The following NCAM2 variants were observed in gnomAD, a reference collection of about 807,000 sequenced individuals.
NCAM2 encodes neural cell adhesion molecule 2.
Under a neutral mutation model 98.1 loss-of-function variants are expected in NCAM2, and 30 were observed. The observed-to-expected ratio is 0.31, with a 90% CI of 0.23 to 0.41. The LOEUF (loss-of-function observed/expected upper bound fraction) is 0.41, where lower values mean the gene tolerates loss of function less well. NCAM2 is among the 10% of genes least tolerant of loss of function. The pLI is 1.00. For missense variants in NCAM2, 867 were observed against 1,005.8 expected (o/e 0.86, Z 1.87); for synonymous variants, 368 against 342.4 (o/e 1.07, Z -0.83).
chr21:21,124,824 A>G (rs1374457539), intron 1 of NCAM2, among the ~76,000 whole-genome samples: 65 of 152,144 alleles, frequency 4.3e-4, no homozygotes, highest in Admixed American at 4.3e-3. Context: ...TGAGACATGT[A>G]TGTTACCATT....
In NCAM2 at chr21:21,008,185, TAGATA is replaced by T. The variant is rs568056061; in HGVS notation, c.55+9569_55+9573del. ...CTTTTGATTAAAAAAATTACTTACT[TAGATA>T]AATCACTTATAACTTTCTGATACAA... is the stretch of plus-strand genomic sequence containing the variant. On this transcript the variant is annotated intron_variant, in intron 1 of 17. Coordinates refer to ENST00000400546, the MANE Select transcript of NCAM2 (RefSeq NM_004540.5). 5.7e-4 allele frequency among the ~76,000 whole-genome samples: 87 copies of T among 152,310 alleles called. 2 individuals carry two copies. The East Asian group carries it at 0.015, about 26-fold the overall frequency.
At chr21:21,299,851 C>T (rs2073643960) in intron 5 of NCAM2, among the ~76,000 whole-genome samples, 1 of 151,842 alleles carries the variant, frequency 6.6e-6, no homozygotes. Context: ...GGACCAACAT[C>T]CATGGGATAC....
chr21:21,421,365 C>T (rs1284703436), intron 11 of NCAM2, among the ~76,000 whole-genome samples: 2 of 126,018 alleles, frequency 1.6e-5, no homozygotes, highest in African/African-American at 5.9e-5. Context: ...TTCATCAAAG[C>T]TGAGTTAGAA....
At chr21:21,371,295 TG>T (rs970160937) in intron 8 of NCAM2, among the ~76,000 whole-genome samples, 13 of 151,838 alleles carry the variant, frequency 8.6e-5, no homozygotes, top group Non-Finnish European at 2.9e-5. Flanking sequence ...TGGAGAGTGT[TG>T]GTTTTTCTGT....
intron 14 of NCAM2, among the ~76,000 whole-genome samples, chr21:21,470,305 T>A (rs1002670767): frequency 1.8e-4 from 27 of 152,228 alleles, no homozygotes; most frequent in Admixed American, 1.8e-3. Flanking sequence ...TTTAAAAATC[T>A]GACTTCAAAT....
At chr21:21,064,382 C>G (rs2065388862) in intron 1 of NCAM2, among the ~76,000 whole-genome samples, 1 of 152,206 alleles carries the variant, frequency 6.6e-6, no homozygotes, top group East Asian at 1.9e-4. Context: ...GGGCAGAAGG[C>G]TTCTTTAAAT....
chr21:21,056,503 T>TGTGTGG (rs1555877337), intron 1 of NCAM2, among the ~76,000 whole-genome samples: 1 of 148,502 alleles, frequency 6.7e-6, no homozygotes, highest in African/African-American at 2.5e-5. Flanking sequence ...TGTGTGTGTG[T>TGTGTGG]GTGTGTGTGT....
chr21:21,444,428 T>C (rs1434978113), intron 12 of NCAM2, among the ~76,000 whole-genome samples: 2 of 152,132 alleles, frequency 1.3e-5, no homozygotes, highest in Non-Finnish European at 2.9e-5. Flanking sequence ...TCTTTGTAAC[T>C]CTGGTAGAAT....
intron 1 of NCAM2, among the ~76,000 whole-genome samples, chr21:21,209,645 T>C: frequency 6.6e-6 from 1 of 152,160 alleles, no homozygotes; most frequent in East Asian, 1.9e-4. Context: ...GCAGAGGTTG[T>C]CTGTTATAAA....
chr21:21,445,028 T>C (rs542615381), intron 12 of NCAM2, among the ~76,000 whole-genome samples: 1 of 152,282 alleles, frequency 6.6e-6, no homozygotes, highest in Non-Finnish European at 1.5e-5. Context: ...TTCTGGTACT[T>C]CATCTCTTCA....
intron 9 of NCAM2, among the ~76,000 whole-genome samples, chr21:21,381,710 C>A (rs1364650565): frequency 6.6e-6 from 1 of 152,074 alleles, no homozygotes; most frequent in Non-Finnish European, 1.5e-5. Context: ...CATTAAAAAT[C>A]CCATCAGGAA....
chr21:21,232,753 A>G (rs753617578), intron 1 of NCAM2, among the ~76,000 whole-genome samples: 1 of 151,688 alleles, frequency 6.6e-6, no homozygotes, highest in African/African-American at 2.4e-5. Context: ...TGGAATCCCA[A>G]CATTGCTTTA....
intron 1 of NCAM2, among the ~76,000 whole-genome samples, chr21:21,155,964 A>T (rs950236978): frequency 1.3e-5 from 2 of 152,004 alleles, no homozygotes; most frequent in African/African-American, 2.4e-5. Context: ...AACCACTATC[A>T]TACCCCTTCA....
intron 11 of NCAM2, among the ~76,000 whole-genome samples, chr21:21,430,083 C>G (rs1052589446): frequency 5.3e-5 from 8 of 151,930 alleles, no homozygotes; most frequent in African/African-American, 1.9e-4. Context: ...GCTGGATTTG[C>G]AGGGACATGA....
chr21:21,114,001 T>C (rs1403084002), intron 1 of NCAM2, among the ~76,000 whole-genome samples: 1 of 152,196 alleles, frequency 6.6e-6, no homozygotes, highest in Non-Finnish European at 1.5e-5. Flanking sequence ...TAATCAATCA[T>C]GAGTCATAAT....
intron 1 of NCAM2, among the ~76,000 whole-genome samples, chr21:21,030,848 A>G (rs1415866517): frequency 6.6e-6 from 1 of 152,232 alleles, no homozygotes; most frequent in Non-Finnish European, 1.5e-5. Context: ...TTATACAGAA[A>G]TAAAAAATAT....
intron 16 of NCAM2, among the ~76,000 whole-genome samples, chr21:21,512,565 C>T (rs553901154): frequency 2.6e-5 from 4 of 151,744 alleles, no homozygotes; most frequent in Non-Finnish European, 2.9e-5. Context: ...GGTTTTGGCT[C>T]TTGTGGGTCT....
At chr21:21,429,023 G>C (rs1299322631) in intron 11 of NCAM2, among the ~76,000 whole-genome samples, 2 of 152,108 alleles carry the variant, frequency 1.3e-5, no homozygotes, top group Non-Finnish European at 2.9e-5. Context: ...GTAGTCAGTT[G>C]ACAGTTGGAC....
At chr21:21,409,210 T>A (rs1406457022) in intron 9 of NCAM2, among the ~76,000 whole-genome samples, 1 of 152,128 alleles carries the variant, frequency 6.6e-6, no homozygotes, top group Non-Finnish European at 1.5e-5. Flanking sequence ...GGCATTTGAT[T>A]TAGATCGTAG....
Sources: gnomAD v4.1 joint callset for allele counts (sites outside exome capture counted in the v4.1 genomes callset) on GRCh38, gnomAD v4.1.1 for gene constraint, MANE v1.5 for transcripts, NCBI Gene and HGNC (gene_info 2026-07-23, HGNC 2026-07-21) for gene names.